Variants in PROM1 observed in about 807,000 individuals in gnomAD.
PROM1 encodes prominin-1.
In PROM1, 105 loss-of-function variants were observed where a neutral mutation model predicts 116.9. That is an observed-to-expected ratio of 0.90 (90% CI 0.77 to 1.06). The LOEUF is 1.06. Among genes scored for constraint, PROM1 ranks in the 50% least tolerant of loss-of-function variants. The pLI, the probability that PROM1 is intolerant of heterozygous loss-of-function variation, is 0.00. For synonymous variants in PROM1, 393 were observed against 387.0 expected, an observed-to-expected ratio of 1.02 and a Z score of -0.18; for missense variants, 1,122 against 1,045.2, an observed-to-expected ratio of 1.07 and a Z score of -1.01.
At chr4:16,024,578 T>C (rs1307729316) in intron 6 of PROM1, among the ~76,000 whole-genome samples, 2 of 152,206 alleles carry the variant, frequency 1.3e-5, no homozygotes, top group Admixed American at 6.5e-5. Context: ...ATGTTCTGAA[T>C]AGGTAATTCA....
chr4:16,081,284 A>G (rs571548021), intron 1 of PROM1, among the ~76,000 whole-genome samples: 54 of 152,038 alleles, frequency 3.6e-4, no homozygotes, highest in Admixed American at 2.6e-3. Flanking sequence ...TCATTGTTCA[A>G]TTCCCAACAA....
chr4:16,042,042 G>A (rs750238367), intron 2 of PROM1, among the ~76,000 whole-genome samples: 8 of 151,908 alleles, frequency 5.3e-5, no homozygotes, highest in South Asian at 2.1e-4. Flanking sequence ...TTAAACCCCC[G>A]GCTTCAAACG....
rs751460221 is a variant in PROM1, at chr4:16,075,708, G to C, written c.199C>G (p.Gln67Glu). The C allele has an allele frequency of 3.1e-6, 5 of 1,613,202 alleles. No homozygotes were observed. The East Asian group carries it at 8.9e-5, about 29-fold the overall frequency. Residue 67 changes from glutamine to glutamate, a missense_variant, in exon 2 of 28, where the codon CAG becomes GAG. Coordinates refer to ENST00000447510, the MANE Select transcript of PROM1 (RefSeq NM_006017.3). ...ELVHIFLYVVQPRDFPEDTLR... is the reference protein window; with the variant it reads ...ELVHIFLYVVEPRDFPEDTLR... ...TTACCTTCTGGGAAATCACGCGGCT[G>C]TACCACATAGAGAAAGATATGCACT...
At chr4:16,000,429 C>A in intron 14 of PROM1, 67 bp downstream of exon 14, 1 of 1,401,144 alleles carries the variant, frequency 7.1e-7, no homozygotes. Context: ...TAAAGTAATG[C>A]ACAATATATG....
In PROM1 at chr4:16,015,464, C is replaced by A. The variant is rs191049021; in HGVS notation, c.1077+702G>T. 3.9e-3 allele frequency among the ~76,000 whole-genome samples: 583 copies of A among 148,788 alleles called. 8 individuals carry two copies. Among genetic ancestry groups the A allele is most frequent in the East Asian group, 0.02 (100 of 4,942 alleles). ...CAGCACTTTGGAAGGCCAAGGGGGG[C>A]AGATCACTTGAGGTCAGGAGTTCGA... is the stretch of plus-strand genomic sequence containing the variant. On this transcript the variant is annotated intron_variant, in intron 10 of 27. Coordinates refer to ENST00000447510, the MANE Select transcript of PROM1 (RefSeq NM_006017.3).
intron 15 of PROM1, among the ~76,000 whole-genome samples, chr4:15,995,672 T>C (rs1327348949): frequency 1.3e-5 from 2 of 152,094 alleles, no homozygotes; most frequent in Non-Finnish European, 2.9e-5. Flanking sequence ...TCTGTGTCCC[T>C]CGGCCGAGGT....
chr4:16,017,024 T>C (rs1227653635), intron 9 of PROM1, among the ~76,000 whole-genome samples: 1 of 152,180 alleles, frequency 6.6e-6, no homozygotes, highest in Non-Finnish European at 1.5e-5. Context: ...AATGGTAGTG[T>C]CGGGTCAATG....
chr4:16,017,463 A>G (rs1188353543), intron 9 of PROM1, among the ~76,000 whole-genome samples: 1 of 152,266 alleles, frequency 6.6e-6, no homozygotes, highest in African/African-American at 2.4e-5. Context: ...GAAATGTCTG[A>G]AAAACAATGG....
intron 2 of PROM1, among the ~76,000 whole-genome samples, chr4:16,053,137 T>C (rs1020304188): frequency 6.6e-6 from 1 of 152,250 alleles, no homozygotes; most frequent in African/African-American, 2.4e-5. Context: ...GAAAATGACC[T>C]GAGGTGCATG....
intron 26 of PROM1, among the ~76,000 whole-genome samples, chr4:15,972,146 A>T (rs527759605): frequency 2.3e-4 from 35 of 152,260 alleles, no homozygotes; most frequent in Non-Finnish European, 4.3e-4. Context: ...CCTGCCTAGC[A>T]TTGCCTCTCC....
intron 4 of PROM1, 87 bp downstream of exon 4, chr4:16,035,648 T>C (rs1365839658): frequency 2.4e-6 from 3 of 1,267,546 alleles, no homozygotes; most frequent in African/African-American, 1.5e-5. Context: ...ATGAAACGGA[T>C]CATTTAAAAA....
At chr4:16,072,250 GA>G (rs1742978204) in intron 2 of PROM1, among the ~76,000 whole-genome samples, 1 of 152,170 alleles carries the variant, frequency 6.6e-6, no homozygotes. Flanking sequence ...GGGGATACAA[GA>G]AGGGTTTCTC....
In PROM1 at chr4:16,061,387, G is replaced by C. The variant is rs574945064; in HGVS notation, c.220+14300C>G. 2.6e-5 allele frequency among the ~76,000 whole-genome samples: 4 copies of C among 152,266 alleles called. 1 individual carries two copies. The South Asian group carries it at 8.3e-4, about 32-fold the overall frequency. ...AGGAAGAATCATGTGTACTATTTAA[G>C]CTATTTCACTTTTTCCTTTTCAGCA... On this transcript the variant is annotated intron_variant, in intron 2 of 27. Transcript: ENST00000447510.
intron 1 of PROM1, among the ~76,000 whole-genome samples, chr4:16,076,902 G>C (rs1744064916): frequency 6.6e-6 from 1 of 152,250 alleles, no homozygotes. Context: ...TGCTCGTTAA[G>C]AGTCATCACC....
intron 5 of PROM1, 43 bp downstream of exon 5, chr4:16,033,261 T>C: frequency 6.6e-7 from 1 of 1,507,712 alleles, no homozygotes. Flanking sequence ...ACACTCTTCA[T>C]CAGCCTAAAA....
intron 2 of PROM1, among the ~76,000 whole-genome samples, chr4:16,053,095 C>G (rs1033093119): frequency 2.0e-5 from 3 of 152,184 alleles, no homozygotes; most frequent in African/African-American, 7.2e-5. Flanking sequence ...TGCGAAATGT[C>G]CTGCATGTCA....
chr4:16,016,365 T>C, intron 9 of PROM1, 125 bp from the exon 10 acceptor site: 1 of 743,184 alleles, frequency 1.3e-6, no homozygotes, highest in Non-Finnish European at 2.2e-6. Flanking sequence ...AATCGCAGTT[T>C]CTTTTGAACA....
At chr4:16,064,266 A>G (rs1159903317) in intron 2 of PROM1, among the ~76,000 whole-genome samples, 2 of 152,248 alleles carry the variant, frequency 1.3e-5, no homozygotes, top group Non-Finnish European at 2.9e-5. Flanking sequence ...ATATTCACAC[A>G]TAATAGAATA....
At chr4:15,993,330 G>A (rs1721520836) in intron 16 of PROM1, among the ~76,000 whole-genome samples, 1 of 152,136 alleles carries the variant, frequency 6.6e-6, no homozygotes, top group Non-Finnish European at 1.5e-5. Flanking sequence ...GAGGCCTCCA[G>A]GTACGGGGAG....
Sources: allele counts gnomAD v4.1 joint callset (sites outside exome capture counted in the v4.1 genomes callset), GRCh38; gene constraint gnomAD v4.1.1; transcripts MANE v1.5; gene names NCBI Gene and HGNC (gene_info 2026-07-23, HGNC 2026-07-21).